Variants in BICD1 observed in about 807,000 individuals in gnomAD.
BICD1 encodes BICD cargo adaptor 1, also known as protein bicaudal D homolog 1.
Under a neutral mutation model 92.5 loss-of-function variants are expected in BICD1, and 35 were observed. The ratio of observed to expected loss-of-function variants is 0.38; its 90% CI spans 0.29 to 0.50. The LOEUF is 0.50. Among genes scored for constraint, BICD1 ranks in the 20% least tolerant of loss-of-function variants. BICD1 has a pLI of 0.93. For missense variants in BICD1, 950 were observed against 1,189.8 expected, an observed-to-expected ratio of 0.80 and a Z score of 2.97; for synonymous variants, 429 against 465.1, an observed-to-expected ratio of 0.92 and a Z score of 1.00.
intron 1 of BICD1, among the ~76,000 whole-genome samples, chr12:32,116,504 CTCTCTCTA>C (rs1565525097): frequency 2.6e-3 from 217 of 82,088 alleles, no homozygotes; most frequent in African/African-American, 0.01. Flanking sequence ...CTCTCTCTCT[CTCTCTCTA>C]TATATATATA....
intron 1 of BICD1, among the ~76,000 whole-genome samples, chr12:32,207,676 C>T (rs981685685): frequency 6.6e-6 from 1 of 151,892 alleles, no homozygotes; most frequent in African/African-American, 2.4e-5. Context: ...ATGTTAAAAG[C>T]TAGAAAAACT....
chr12:32,211,004 T>C (rs2121549817), intron 1 of BICD1, among the ~76,000 whole-genome samples: 1 of 152,336 alleles, frequency 6.6e-6, no homozygotes, highest in South Asian at 2.1e-4. Flanking sequence ...AGCCAGATGA[T>C]AGATGTCAGT....
intron 2 of BICD1, among the ~76,000 whole-genome samples, chr12:32,231,502 T>A (rs966443807): frequency 6.6e-6 from 1 of 152,048 alleles, no homozygotes; most frequent in African/African-American, 2.4e-5. Flanking sequence ...AATCCAAATG[T>A]TGAACATCAT....
chr12:32,167,493 T>A (rs1943801694), intron 1 of BICD1, among the ~76,000 whole-genome samples: 1 of 152,164 alleles, frequency 6.6e-6, no homozygotes, highest in African/African-American at 2.4e-5. Flanking sequence ...TCTTGCACTG[T>A]CGCCCAGGCT....
intron 8 of BICD1, among the ~76,000 whole-genome samples, chr12:32,366,348 A>G (rs902206160): frequency 1.9e-4 from 29 of 152,238 alleles, no homozygotes; most frequent in African/African-American, 7.0e-4. Flanking sequence ...GGCCGGGTGC[A>G]GTGGCTCACG....
At chr12:32,116,787 T>C (rs1023645992) in intron 1 of BICD1, among the ~76,000 whole-genome samples, 1 of 151,724 alleles carries the variant, frequency 6.6e-6, no homozygotes, top group African/African-American at 2.4e-5. Flanking sequence ...GTTATGTTGC[T>C]CAGGCTGGTC....
At chr12:32,316,126 A>G (rs1475724762) in intron 4 of BICD1, among the ~76,000 whole-genome samples, 1 of 76,610 alleles carries the variant, frequency 1.3e-5, no homozygotes, top group Non-Finnish European at 2.8e-5. Flanking sequence ...ACAGAGTGAG[A>G]CCCTGTCTCA....
At chr12:32,204,399 TA>T (rs1452639103) in intron 1 of BICD1, among the ~76,000 whole-genome samples, 1 of 151,768 alleles carries the variant, frequency 6.6e-6, no homozygotes, top group African/African-American at 2.4e-5. Flanking sequence ...TGAAACTACT[TA>T]ACTTCATTAG....
intron 2 of BICD1, among the ~76,000 whole-genome samples, chr12:32,223,696 C>T (rs926709710): frequency 1.3e-5 from 2 of 152,128 alleles, no homozygotes; most frequent in Admixed American, 1.3e-4. Flanking sequence ...CCTTTGCATT[C>T]ACAATTTGGC....
At position 32,342,176 on chromosome 12, in the gene BICD1, ATGTG is replaced by A. The variant is rs752092208; in HGVS notation, c.2764+3201_2764+3204del. Among the ~76,000 whole-genome samples the A allele has an allele frequency of 2.3e-3, 256 of 112,320 alleles. 2 individuals carry two copies. In the East Asian group the frequency reaches 0.026, roughly 11 times the overall value. 73.7% of individuals were successfully genotyped at this position (112,320 alleles called of 152,430 possible). A position where few individuals can be genotyped will look rare whatever the true frequency, so the allele number is the denominator to read the frequency against. ...TGTGTGTATATATATGTATATATATATGTGTGTATATATATATGTGTGTGTGTGT... is the reference window on the plus strand; with the variant it reads ...TGTGTGTATATATATGTATATATATATGTATATATATATGTGTGTGTGTGT... On this transcript the variant is annotated intron_variant, in intron 8 of 9. Transcript: ENST00000652176.
At position 32,337,981 on chromosome 12, in the gene BICD1, C is replaced by G; in HGVS notation, c.2570+165C>G. 1 of 693,256 alleles carries G rather than the reference C, an allele frequency of 1.4e-6. No homozygotes were observed. Among genetic ancestry groups the G allele is most frequent in the South Asian group, 2.0e-5 (1 of 50,636 alleles). 42.9% of individuals were successfully genotyped at this position (693,256 alleles called of 1,614,324 possible). A position where few individuals can be genotyped will look rare whatever the true frequency, so the allele number is the denominator to read the frequency against. On this transcript the variant is annotated intron_variant, in intron 7 of 9. Transcript: ENST00000652176. This position sits in a 1 kb window ranked among gnomAD's most constrained non-coding sequence, Gnocchi z 4.7. ...AATGTGGGTCTTTCCAGATCAAAAC[C>G]TTTTTGATAATTGTGTTTATGTAGT...
intron 2 of BICD1, among the ~76,000 whole-genome samples, chr12:32,286,234 C>T (rs1168909970): frequency 1.3e-5 from 2 of 152,004 alleles, no homozygotes; most frequent in Non-Finnish European, 2.9e-5. Flanking sequence ...GATTATTAGC[C>T]GTTATATTTT....
chr12:32,173,726 A>G (rs1284091734), intron 1 of BICD1, among the ~76,000 whole-genome samples: 2 of 152,170 alleles, frequency 1.3e-5, no homozygotes, highest in African/African-American at 4.8e-5. Context: ...TAGCCACTTA[A>G]TTTACTTTGA....
chr12:32,255,176 A>G (rs1412770844), intron 2 of BICD1, among the ~76,000 whole-genome samples: 1 of 152,094 alleles, frequency 6.6e-6, no homozygotes, highest in Admixed American at 6.6e-5. Flanking sequence ...CATGGAGAGA[A>G]AGAGACAACA....
At chr12:32,157,811 T>C (rs1943484318) in intron 1 of BICD1, among the ~76,000 whole-genome samples, 1 of 152,232 alleles carries the variant, frequency 6.6e-6, no homozygotes, top group Non-Finnish European at 1.5e-5. Flanking sequence ...ACGTATTCAC[T>C]GCAGTGTGCT....
At chr12:32,116,500 C>CTATATATATA (rs1565525044) in intron 1 of BICD1, among the ~76,000 whole-genome samples, 32 of 73,512 alleles carry the variant, frequency 4.4e-4, no homozygotes, top group East Asian at 7.5e-4. Context: ...CTTTCTCTCT[C>CTATATATATA]TCTCTCTCTC....
chr12:32,266,377 A>G (rs966326658), intron 2 of BICD1, among the ~76,000 whole-genome samples: 1 of 152,240 alleles, frequency 6.6e-6, no homozygotes, highest in African/African-American at 2.4e-5. Flanking sequence ...TATAGCGACT[A>G]TCAGTAATAG....
intron 4 of BICD1, among the ~76,000 whole-genome samples, chr12:32,318,946 G>A (rs1948578321): frequency 6.6e-6 from 1 of 152,162 alleles, no homozygotes; most frequent in Admixed American, 6.6e-5. Flanking sequence ...TTCACTGCTA[G>A]TATATAGAAA....
At chr12:32,278,097 A>C (rs1947323277) in intron 2 of BICD1, among the ~76,000 whole-genome samples, 1 of 152,206 alleles carries the variant, frequency 6.6e-6, no homozygotes, top group African/African-American at 2.4e-5. Flanking sequence ...TATGAAGGTG[A>C]GATGAAACAA....
Sources: gnomAD v4.1 joint callset for allele counts (sites outside exome capture counted in the v4.1 genomes callset) on GRCh38, gnomAD v4.1.1 for gene constraint, Gnocchi (gnomAD v3.1) non-coding constraint, MANE v1.5 for transcripts, NCBI Gene and HGNC (gene_info 2026-07-23, HGNC 2026-07-21) for gene names.